The following RYR2 variants were observed in gnomAD, a reference collection of about 807,000 sequenced individuals.
RYR2 encodes cardiac muscle ryanodine receptor-calcium release channel.
RYR2 carries 227 observed loss-of-function variants against 601.1 expected under a neutral mutation model. The ratio of observed to expected loss-of-function variants is 0.38; its 90% confidence interval spans 0.34 to 0.42. The LOEUF is 0.42. Among genes scored for constraint, RYR2 ranks in the 10% least tolerant of loss-of-function variants. The pLI, the probability that RYR2 is intolerant of heterozygous loss-of-function variation, is 1.00. For synonymous variants in RYR2, 2,223 were observed against 2,175.1 expected (o/e 1.02, Z -0.61); for missense variants, 4,646 against 6,156.5 (o/e 0.75, Z 8.21).
rs766400072 is a variant in RYR2 at position 237,617,378 on chromosome 1, C to G, written c.5808C>G (p.Leu1936=). ...TTTCAGATGATTTTGTGGCTAAGCT[C>G]CAAGACAATCAACGTTTCCGATACA... is the stretch of plus-strand genomic sequence containing the variant. ...VAFSDDFVAK[L]QDNQRFRYNE... Residue 1936 remains leucine (L), a synonymous_variant, in exon 38 of 105, where the codon CTC becomes CTG. Transcript: ENST00000366574. The G allele has an allele frequency of 1.2e-6, 2 of 1,613,914 alleles. No individual in the cohort carries two copies. The highest frequency in any genetic ancestry group is 2.2e-5 in the South Asian group (2 of 91,078).
intron 9 of RYR2, 76 bp from the exon 10 acceptor site, chr1:237,388,011 T>C (rs1263734578): frequency 1.5e-6 from 2 of 1,317,902 alleles, no homozygotes; most frequent in Non-Finnish European, 2.2e-6. Flanking sequence ...AAGTAGAAGA[T>C]TGGACCAGAT....
chr1:237,281,825 T>A (rs1231911867), intron 2 of RYR2, among the ~76,000 whole-genome samples: 4 of 152,222 alleles, frequency 2.6e-5, no homozygotes, highest in Non-Finnish European at 5.9e-5. Flanking sequence ...GGTGTATCCA[T>A]TGTAATAACA....
At chr1:237,416,947 A>G in intron 10 of RYR2, 102 bp from the exon 11 acceptor site, 3 of 910,986 alleles carry the variant, frequency 3.3e-6, no homozygotes, top group Non-Finnish European at 5.3e-6. Context: ...GTTTACTCAC[A>G]GGCCATTTGC....
chr1:237,249,474 C>T (rs1687239073), intron 1 of RYR2, among the ~76,000 whole-genome samples: 1 of 152,136 alleles, frequency 6.6e-6, no homozygotes. Context: ...TCATAGTTTA[C>T]AAAGGGCTTT....
At chr1:237,398,149 C>T (rs1402153901) in intron 10 of RYR2, among the ~76,000 whole-genome samples, 7 of 152,126 alleles carry the variant, frequency 4.6e-5, no homozygotes, top group Non-Finnish European at 1.0e-4. Flanking sequence ...ATGTGTCTAA[C>T]CTCTTGTCTC....
chr1:237,161,595 A>C (rs1676025946), intron 1 of RYR2, among the ~76,000 whole-genome samples: 1 of 152,192 alleles, frequency 6.6e-6, no homozygotes, highest in Non-Finnish European at 1.5e-5. Context: ...TGAAATTACA[A>C]GTGGGTCTCT....
At chr1:237,722,672 A>G (rs1689844542) in intron 73 of RYR2, among the ~76,000 whole-genome samples, 1 of 152,110 alleles carries the variant, frequency 6.6e-6, no homozygotes, top group African/African-American at 2.4e-5. Flanking sequence ...TGACCTCATG[A>G]TCCGCCCACC....
chr1:237,779,651 A>G (rs1477683720), intron 88 of RYR2, among the ~76,000 whole-genome samples: 1 of 152,214 alleles, frequency 6.6e-6, no homozygotes, highest in Non-Finnish European at 1.5e-5. Flanking sequence ...TGCAGGATAT[A>G]TTGTCAAAGA....
chr1:237,534,260 C>T (rs139681456), intron 25 of RYR2, among the ~76,000 whole-genome samples: 63 of 152,042 alleles, frequency 4.1e-4, no homozygotes, highest in Admixed American at 6.5e-4. Context: ...ATTGAGAAAA[C>T]AAGCATCATG....
chr1:237,358,482 C>G (rs527296672), intron 4 of RYR2, among the ~76,000 whole-genome samples: 2 of 152,022 alleles, frequency 1.3e-5, no homozygotes, highest in African/African-American at 4.8e-5. Flanking sequence ...TGCCAGGTTT[C>G]TAATGCTGAC....
At chr1:237,287,613 C>A (rs1272133963) in intron 2 of RYR2, among the ~76,000 whole-genome samples, 1 of 152,142 alleles carries the variant, frequency 6.6e-6, no homozygotes, top group African/African-American at 2.4e-5. Context: ...TGAGACTTTC[C>A]AGAGCATTTC....
At chr1:237,173,117 G>A (rs1677602464) in intron 1 of RYR2, among the ~76,000 whole-genome samples, 1 of 152,026 alleles carries the variant, frequency 6.6e-6, no homozygotes, top group African/African-American at 2.4e-5. Flanking sequence ...GGTTCAGAAA[G>A]ATGAATCTGC....
At chr1:237,680,365 A>G (rs192917319) in intron 61 of RYR2, 91 bp from the exon 62 acceptor site, 10 of 1,073,720 alleles carry the variant, frequency 9.3e-6, no homozygotes, top group Non-Finnish European at 1.4e-5. Context: ...GTTGCATGTG[A>G]ACAGAACTCT....
intron 27 of RYR2, among the ~76,000 whole-genome samples, chr1:237,558,943 T>C (rs1671177718): frequency 6.6e-6 from 1 of 152,146 alleles, no homozygotes; most frequent in Non-Finnish European, 1.5e-5. Flanking sequence ...TTATTCTTTT[T>C]TATAATTTAC....
chr1:237,729,817 T>A (rs1036111819), intron 76 of RYR2, among the ~76,000 whole-genome samples: 2 of 152,182 alleles, frequency 1.3e-5, no homozygotes, highest in Non-Finnish European at 2.9e-5. Context: ...ATTTGTTTTT[T>A]AATGTTTGCT....
chr1:237,243,066 A>G (rs554253502), intron 1 of RYR2, among the ~76,000 whole-genome samples: 16 of 151,878 alleles, frequency 1.1e-4, no homozygotes, highest in Non-Finnish European at 2.1e-4. Context: ...GGTGTTTCCA[A>G]AATAACTCTC....
chr1:237,371,650 A>G (rs1225821201), intron 6 of RYR2, among the ~76,000 whole-genome samples: 3 of 152,260 alleles, frequency 2.0e-5, no homozygotes, highest in Non-Finnish European at 1.5e-5. Context: ...AAGACTACGT[A>G]TCAATAACAC....
At chr1:237,736,747 C>T (rs1042996443) in intron 79 of RYR2, among the ~76,000 whole-genome samples, 1 of 152,266 alleles carries the variant, frequency 6.6e-6, no homozygotes, top group South Asian at 2.1e-4. Context: ...ATAGGACTCA[C>T]GGACTGTGAA....
At chr1:237,759,728 CAAT>C in intron 82 of RYR2, 45 bp from the exon 83 acceptor site, 2 of 1,120,962 alleles carry the variant, frequency 1.8e-6, no homozygotes, top group Non-Finnish European at 2.7e-6. Context: ...ATTTAACAAA[CAAT>C]AAGATTTTTG....
Sources: gnomAD v4.1 joint callset for allele counts (sites outside exome capture counted in the v4.1 genomes callset) on GRCh38, gnomAD v4.1.1 for gene constraint, MANE v1.5 for transcripts, NCBI Gene and HGNC (gene_info 2026-07-23, HGNC 2026-07-21) for gene names.